Variants in SEMA5B observed in about 807,000 individuals in gnomAD.
SEMA5B encodes semaphorin 5B.
SEMA5B carries 66 observed loss-of-function variants against 135.0 expected under a neutral mutation model. The ratio of observed to expected loss-of-function variants is 0.49; its 90% confidence interval spans 0.40 to 0.60. The LOEUF (loss-of-function observed/expected upper bound fraction) is 0.60, where lower values mean the gene tolerates loss of function less well. Among genes scored for constraint, SEMA5B ranks in the 20% least tolerant of loss-of-function variants. The pLI, the probability that SEMA5B is intolerant of heterozygous loss-of-function variation, is 0.00. For missense variants in SEMA5B, 1,501 were observed against 1,566.3 expected (o/e 0.96, Z 0.70); for synonymous variants, 690 against 639.5 (o/e 1.08, Z -1.19).
chr3:122,992,426 A>C (rs1046270833), intron 1 of SEMA5B, among the ~76,000 whole-genome samples: 5 of 152,172 alleles, frequency 3.3e-5, no homozygotes, highest in Admixed American at 1.3e-4. Context: ...GTTATGCAGC[A>C]AGAGTACAAG....
chr3:122,918,993 C>CTTTTTTT (rs63373262), intron 12 of SEMA5B, among the ~76,000 whole-genome samples: 24 of 80,362 alleles, frequency 3.0e-4, no homozygotes, highest in African/African-American at 9.5e-4. Context: ...ATCACCATGT[C>CTTTTTTT]TTTTTTTTTT....
chr3:122,926,295 A>G (rs938641444), intron 9 of SEMA5B, 97 bp downstream of exon 9: 23 of 1,197,218 alleles, frequency 1.9e-5, no homozygotes, highest in Non-Finnish European at 2.6e-5. Context: ...GGCAGGAGGC[A>G]CGGCAGTCCC....
At position 122,913,322 on chromosome 3, in the gene SEMA5B, C is replaced by G; in HGVS notation, c.2383G>C (p.Glu795Gln). ...VNVTQGGARQ[E>Q]QRFRFTCRAP... ...CGGCAGGTGAAGCGGAACCGCTGCT[C>G]CTGCCGTGCCCCGCCCTGCGTCACG... The change falls in exon 17 of 23, where the codon GAG (glutamate) becomes CAG (glutamine). Residue 795 changes from glutamate (E) to glutamine (Q), a missense_variant. Transcript: ENST00000357599. 3 of 1,572,330 alleles carry G rather than the reference C, an allele frequency of 1.9e-6. No homozygotes were observed. In the South Asian group the frequency reaches 3.4e-5, roughly 18 times the overall value.
chr3:122,979,899 A>T (rs922483789), intron 1 of SEMA5B, among the ~76,000 whole-genome samples: 1 of 152,220 alleles, frequency 6.6e-6, no homozygotes, highest in African/African-American at 2.4e-5. Context: ...ATTTGTGGAT[A>T]TGACTTTATT....
At position 123,018,792 on chromosome 3, in the gene SEMA5B, C is replaced by T. The variant is rs112267890; in HGVS notation, c.-39+8672G>A. Among the ~76,000 whole-genome samples, 401 of 152,292 alleles carry T rather than the reference C, an allele frequency of 2.6e-3. 4 individuals carry two copies. Among genetic ancestry groups the T allele is most frequent in the African/African-American group, 9.2e-3 (381 of 41,562 alleles). On this transcript the variant is annotated intron_variant, in intron 1 of 22. Transcript: ENST00000357599. ...CCCTGTCATGACTATAGCATGCCTC[C>T]CTGACAGCCTTATATTCCATACTGG... is the stretch of plus-strand genomic sequence containing the variant.
intron 1 of SEMA5B, among the ~76,000 whole-genome samples, chr3:122,967,864 T>G (rs980526526): frequency 2.0e-5 from 3 of 152,222 alleles, no homozygotes; most frequent in African/African-American, 7.2e-5. Flanking sequence ...GGGGAAGAAG[T>G]AGGCTGGTGT....
At chr3:122,936,947 T>C (rs1266281449) in intron 5 of SEMA5B, among the ~76,000 whole-genome samples, 2 of 152,266 alleles carry the variant, frequency 1.3e-5, no homozygotes, top group Admixed American at 6.5e-5. Context: ...AGTCCCTTAA[T>C]GGATACTCGT....
At chr3:122,928,153 C>G in intron 7 of SEMA5B, 150 bp from the exon 8 acceptor site, 1 of 591,580 alleles carries the variant, frequency 1.7e-6, no homozygotes, top group Non-Finnish European at 2.8e-6. Flanking sequence ...CATGGTCCCT[C>G]TGAGGGAGCA....
At chr3:122,911,340 G>A (rs1937688666) in intron 21 of SEMA5B, 151 bp downstream of exon 21, 7 of 1,538,980 alleles carry the variant, frequency 4.5e-6, no homozygotes, top group African/African-American at 1.4e-5. Flanking sequence ...GGAGGGAACT[G>A]CCCAGACCAC....
At chr3:122,928,327 C>G (rs1938757162) in intron 7 of SEMA5B, among the ~76,000 whole-genome samples, 190 bp downstream of exon 7, 1 of 152,240 alleles carries the variant, frequency 6.6e-6, no homozygotes, top group African/African-American at 2.4e-5. Flanking sequence ...CCAGACACTT[C>G]ATGGGACACA....
At chr3:122,956,369 C>T (rs958832631) in intron 2 of SEMA5B, among the ~76,000 whole-genome samples, 10 of 152,132 alleles carry the variant, frequency 6.6e-5, no homozygotes, top group African/African-American at 2.4e-4. Flanking sequence ...CCTGAGGCCT[C>T]CCCACCTTGT....
chr3:122,999,423 C>T (rs1942113637), intron 1 of SEMA5B, among the ~76,000 whole-genome samples: 1 of 152,068 alleles, frequency 6.6e-6, no homozygotes, highest in African/African-American at 2.4e-5. Flanking sequence ...TGGGGTTTCC[C>T]CATGCTGGCC....
chr3:122,919,742 G>A (rs1011151), intron 12 of SEMA5B, among the ~76,000 whole-genome samples: 18,680 of 152,126 alleles, frequency 0.12, 1,525 homozygotes, highest in East Asian at 0.43. Flanking sequence ...GTGACCTTGC[G>A]TTTCATACTT....
intron 5 of SEMA5B, among the ~76,000 whole-genome samples, chr3:122,937,168 G>A (rs938178119): frequency 1.3e-5 from 2 of 152,202 alleles, no homozygotes; most frequent in African/African-American, 4.8e-5. Flanking sequence ...TGGCCCAGCC[G>A]CCCTTGTCAG....
chr3:122,920,457 T>C (rs1023002284), intron 12 of SEMA5B, among the ~76,000 whole-genome samples: 1 of 152,146 alleles, frequency 6.6e-6, no homozygotes, highest in Non-Finnish European at 1.5e-5. Context: ...CTGACTATAT[T>C]CAATGAGACT....
chr3:122,913,155 C>A, intron 17 of SEMA5B, 44 bp downstream of exon 17: 3 of 1,480,862 alleles, frequency 2.0e-6, no homozygotes, highest in Non-Finnish European at 2.7e-6. Flanking sequence ...CTCACCGCTC[C>A]GGGGCTGGGA....
chr3:122,943,556 C>A, intron 3 of SEMA5B, 21 bp from the exon 4 acceptor site: 1 of 1,551,992 alleles, frequency 6.4e-7, no homozygotes, highest in Non-Finnish European at 8.8e-7. Context: ...GAGAGGCAAC[C>A]CTGTGGTTAC....
chr3:122,937,700 G>A (rs997576604), intron 5 of SEMA5B, among the ~76,000 whole-genome samples: 24 of 152,108 alleles, frequency 1.6e-4, no homozygotes, highest in Admixed American at 1.2e-3. Context: ...CTGACACCAG[G>A]TCAACACTGA....
chr3:122,953,661 T>C (rs1940155935), intron 2 of SEMA5B, among the ~76,000 whole-genome samples: 1 of 152,332 alleles, frequency 6.6e-6, no homozygotes, highest in East Asian at 1.9e-4. Context: ...AAGGAGTCTA[T>C]GCCTGCAGCT....
Sources: allele counts gnomAD v4.1 joint callset (sites outside exome capture counted in the v4.1 genomes callset), GRCh38; gene constraint gnomAD v4.1.1; transcripts MANE v1.5; gene names NCBI Gene and HGNC (gene_info 2026-07-23, HGNC 2026-07-21).